The following FMNL3 variants were observed in gnomAD, a reference collection of about 807,000 sequenced individuals.
FMNL3 encodes formin-like protein 3.
A neutral mutation model predicts 119.6 loss-of-function variants in FMNL3; 57 were observed. That is an observed-to-expected ratio of 0.48 (90% CI 0.39 to 0.59). FMNL3 has a LOEUF of 0.59. FMNL3 is among the 20% of genes least tolerant of loss of function. The pLI is 0.00. For synonymous variants in FMNL3, 491 were observed against 507.3 expected (o/e 0.97, Z 0.43); for missense variants, 1,053 against 1,323.5 (o/e 0.80, Z 3.17).
chr12:49,663,135 T>C (rs1185638499), intron 4 of FMNL3, among the ~76,000 whole-genome samples: 2 of 152,192 alleles, frequency 1.3e-5, no homozygotes, highest in Non-Finnish European at 2.9e-5. Flanking sequence ...TGCCTGAAGT[T>C]AGCTTCCTCT....
chr12:49,657,585 T>A (rs1272561471), intron 6 of FMNL3, among the ~76,000 whole-genome samples: 1 of 152,086 alleles, frequency 6.6e-6, no homozygotes, highest in African/African-American at 2.4e-5. Flanking sequence ...GCGTCATGGC[T>A]CCCATCCCAC....
intron 1 of FMNL3, among the ~76,000 whole-genome samples, chr12:49,693,642 T>G (rs1287796144): frequency 8.3e-6 from 1 of 119,922 alleles, no homozygotes; most frequent in African/African-American, 3.6e-5. Context: ...CTTGGTTTTT[T>G]TTTTTTTTTT....
At chr12:49,667,816 T>A (rs769623489) in intron 2 of FMNL3, among the ~76,000 whole-genome samples, 8 of 152,148 alleles carry the variant, frequency 5.3e-5, no homozygotes, top group Non-Finnish European at 8.8e-5. Flanking sequence ...GATACTTCCA[T>A]CTCTACCAAG....
intron 1 of FMNL3, among the ~76,000 whole-genome samples, chr12:49,695,724 T>C (rs914084958): frequency 6.6e-6 from 1 of 152,104 alleles, no homozygotes; most frequent in Non-Finnish European, 1.5e-5. Context: ...AGTGTTGTCT[T>C]AAAGATTTTT....
intron 1 of FMNL3, among the ~76,000 whole-genome samples, chr12:49,680,517 C>G (rs954128184): frequency 1.3e-5 from 2 of 152,166 alleles, no homozygotes; most frequent in Admixed American, 6.5e-5. Flanking sequence ...AATGTTGTCC[C>G]CTCTCACGCT....
At chr12:49,680,607 T>A (rs1394265454) in intron 1 of FMNL3, among the ~76,000 whole-genome samples, 3 of 152,322 alleles carry the variant, frequency 2.0e-5, no homozygotes, top group South Asian at 2.1e-4. Context: ...CTTTTTTACA[T>A]CTCGTTTGAT....
intron 1 of FMNL3, among the ~76,000 whole-genome samples, chr12:49,703,516 T>C (rs2139070081): frequency 6.6e-6 from 1 of 151,924 alleles, no homozygotes; most frequent in Non-Finnish European, 1.5e-5. Flanking sequence ...CTTTTTCCCA[T>C]CGAGGCACAC....
Position 49,647,755 on chromosome 12 carries a change from G to A in FMNL3, c.2726C>T (p.Thr909Ile). 6 of 1,614,182 alleles carry A rather than the reference G, an allele frequency of 3.7e-6. No individual in the cohort carries two copies. Among genetic ancestry groups the A allele is most frequent in the Non-Finnish European group, 5.1e-6 (6 of 1,179,996 alleles). The change falls in exon 23 of 26, where the codon ACA (threonine) becomes ATA (isoleucine). Residue 909 changes from threonine (T) to isoleucine (I), a missense_variant. Coordinates refer to ENST00000335154, the MANE Select transcript of FMNL3 (RefSeq NM_175736.5). This position sits in a 1 kb window ranked among gnomAD's most constrained non-coding sequence, Gnocchi z 4.9. ...VRYFGESPKT[T>I]PPSVFFPVFV... is the part of the protein sequence containing the mutation. ...TACTGGGAAGAATACAGAAGGAGGT[G>A]TAGTCTTGGGACTCTCGCCAAAGTA...
chr12:49,648,477 T>C, intron 21 of FMNL3, 124 bp from the exon 22 acceptor site: 10 of 1,024,154 alleles, frequency 9.8e-6, no homozygotes, highest in African/African-American at 1.6e-5. Context: ...CATACCTGTA[T>C]GGACATAAGG....
intron 10 of FMNL3, 31 bp downstream of exon 10, chr12:49,654,879 G>A: frequency 2.5e-6 from 4 of 1,606,546 alleles, no homozygotes; most frequent in Non-Finnish European, 3.4e-6. Flanking sequence ...GCCCTGGTGG[G>A]TATGTGCTGG....
intron 1 of FMNL3, among the ~76,000 whole-genome samples, chr12:49,682,926 T>C (rs1187521610): frequency 6.6e-6 from 1 of 152,168 alleles, no homozygotes; most frequent in Non-Finnish European, 1.5e-5. Context: ...AATTCTAACC[T>C]TTTGGGGCCA....
intron 1 of FMNL3, among the ~76,000 whole-genome samples, chr12:49,669,706 C>G (rs1282923078): frequency 6.6e-6 from 1 of 152,174 alleles, no homozygotes; most frequent in East Asian, 1.9e-4. Context: ...GTAGCGCACA[C>G]CTGTAATCCC....
chr12:49,647,952 G>A lies in FMNL3; in HGVS notation c.2677-148C>T, dbSNP rs796546133. 5.5e-5 allele frequency: 44 copies of A among 794,490 alleles called. No individual in the cohort carries two copies. The East Asian group carries it at 7.0e-4, about 13-fold the overall frequency. 49.2% of individuals were successfully genotyped at this position (794,490 alleles called of 1,614,324 possible). On this transcript the variant is annotated intron_variant, in intron 22 of 25. Coordinates refer to ENST00000335154, the MANE Select transcript of FMNL3 (RefSeq NM_175736.5). The surrounding 1 kb of genome is among the most constrained non-coding windows in gnomAD (Gnocchi z 4.9). ...GGCCCCTGTGAGCTGGAGGGAACCT[G>A]GGGCTCCCAAAGCTCCTGAGTATGA...
chr12:49,653,984 G>C, intron 11 of FMNL3, 110 bp from the exon 12 acceptor site: 1 of 1,428,146 alleles, frequency 7.0e-7, no homozygotes, highest in Non-Finnish European at 9.4e-7. Context: ...TTCCCAAAGA[G>C]TTCCTGCTGC....
chr12:49,637,995 A>G lies in FMNL3; in HGVS notation c.*7820T>C. 1 of 598,332 alleles carries G rather than the reference A, an allele frequency of 1.7e-6. No individual in the cohort carries two copies. Among genetic ancestry groups the G allele is most frequent in the Non-Finnish European group, 3.0e-6 (1 of 335,950 alleles). 37.1% of individuals were successfully genotyped at this position (598,332 alleles called of 1,614,324 possible). A position where few individuals can be genotyped will look rare whatever the true frequency, so the allele number is the denominator to read the frequency against. On this transcript the variant is annotated 3_prime_UTR_variant, in exon 26 of 26. Transcript: ENST00000335154. ...ATACAGTAATGAATACACAATTTCT[A>G]CCACAGGAGCTCATGGTCTAATAGG...
rs1243238669 is a variant in FMNL3 at position 49,653,759 on chromosome 12, T to C, written c.1187A>G (p.Glu396Gly). ...ATGCTCCTCCAACTCCTCCACCTTC[T>C]CCAGGGCTACATTCTTGGTCTCAGC... is the stretch of plus-strand genomic sequence containing the variant. ...EDAETKNVAL[E>G]KVEELEEHVS... is the part of the protein sequence containing the mutation. Residue 396 changes from glutamate (E) to glycine (G), a missense_variant, in exon 12 of 26, where the codon GAG becomes GGG. Physicochemically the swap from Glu to Gly is moderately conservative, Grantham distance 98. This residue lies in a region of FMNL3 where 445 missense variants were observed against 628.4 expected (regional missense o/e 0.71). Coordinates refer to ENST00000335154, the MANE Select transcript of FMNL3 (RefSeq NM_175736.5). 1 of 1,614,140 alleles carries C rather than the reference T, an allele frequency of 6.2e-7. No homozygotes were observed.
chr12:49,656,562 C>T, intron 8 of FMNL3, 65 bp from the exon 9 acceptor site: 1 of 1,432,720 alleles, frequency 7.0e-7, no homozygotes, highest in African/African-American at 1.4e-5. Context: ...CAGCTCATTT[C>T]CCTGACTGGG....
chr12:49,637,553 T>C lies in FMNL3; in HGVS notation c.*8262A>G, dbSNP rs768245712. On this transcript the variant is annotated 3_prime_UTR_variant, in exon 26 of 26. Transcript: ENST00000335154. ...AGCTATATCCAGCAGTCAGCACTGA[T>C]GTCCGCTTTGCCAACATGCTGGGCC... 3 of 1,613,742 alleles carry C rather than the reference T, an allele frequency of 1.9e-6. No individual in the cohort carries two copies. The highest frequency in any genetic ancestry group is 2.5e-6 in the Non-Finnish European group (3 of 1,180,034).
intron 5 of FMNL3, among the ~76,000 whole-genome samples, chr12:49,660,392 T>G (rs947364598): frequency 6.6e-6 from 1 of 152,224 alleles, no homozygotes. Flanking sequence ...TTTTTTACTA[T>G]AAAAGCTCTG....
Sources: gnomAD v4.1 joint callset for allele counts (sites outside exome capture counted in the v4.1 genomes callset) on GRCh38, gnomAD v4.1.1 for gene constraint, gnomAD v4.1.1 regional missense constraint, Gnocchi (gnomAD v3.1) non-coding constraint, MANE v1.5 for transcripts, NCBI Gene and HGNC (gene_info 2026-07-23, HGNC 2026-07-21) for gene names.